Variants in SFRP4 observed in about 807,000 individuals in gnomAD.
SFRP4 encodes the protein secreted frizzled related protein 4.
SFRP4 carries 25 observed loss-of-function variants against 36.3 expected under a neutral mutation model. The ratio of observed to expected loss-of-function variants is 0.69; its 90% confidence interval spans 0.50 to 0.96. The LOEUF (loss-of-function observed/expected upper bound fraction) is 0.96. SFRP4 is among the 40% of genes least tolerant of loss of function. The pLI, the probability that SFRP4 is intolerant of heterozygous loss-of-function variation, is 0.00. For missense variants in SFRP4, 487 were observed against 459.6 expected (o/e 1.06, Z -0.54); for synonymous variants, 182 against 168.8 (o/e 1.08, Z -0.60).
Position 37,916,055 on chromosome 7 carries a change from C to A in SFRP4, c.445+38G>T, listed in dbSNP as rs745771255. 196 of 1,578,036 alleles carry A rather than the reference C, an allele frequency of 1.2e-4. No homozygotes were observed. Among genetic ancestry groups the A allele is most frequent in the Non-Finnish European group, 1.7e-4 (193 of 1,159,612 alleles). ...CTCGATTGGCAGCCACAGCCCCGGG[C>A]GCCTCCTCGCCTCCCTCCATCCTTC... is the stretch of plus-strand genomic sequence containing the variant. On this transcript the variant is annotated intron_variant, in intron 1 of 5. Coordinates refer to ENST00000436072, the MANE Select transcript of SFRP4 (RefSeq NM_003014.4). The surrounding 1 kb of genome is among the most constrained non-coding windows in gnomAD (Gnocchi z 4.1).
chr7:37,914,663 G>C (rs1017791439), intron 1 of SFRP4, among the ~76,000 whole-genome samples: 1 of 152,224 alleles, frequency 6.6e-6, no homozygotes, highest in Non-Finnish European at 1.5e-5. Flanking sequence ...TCAGGAGTTT[G>C]AGACCAGTCT....
chr7:37,912,728 G>C (rs1398064454), intron 3 of SFRP4, among the ~76,000 whole-genome samples: 1 of 152,206 alleles, frequency 6.6e-6, no homozygotes, highest in Non-Finnish European at 1.5e-5. Context: ...AGCTTCTTCT[G>C]TTTTACAGAG....
intron 1 of SFRP4, among the ~76,000 whole-genome samples, chr7:37,914,830 A>G (rs756190065): frequency 1.3e-5 from 2 of 152,178 alleles, no homozygotes; most frequent in Non-Finnish European, 2.9e-5. Context: ...GTGCCATTGC[A>G]CTCCAGCCTG....
In SFRP4 at chr7:37,907,776, A is replaced by T. The variant is rs1253851852; in HGVS notation, c.856-112T>A. ...ACTGTAATATATTAATGACGGTAAC[A>T]ATTGTAATAGCTACCCTATGTGAAG... On this transcript the variant is annotated intron_variant, in intron 5 of 5. Coordinates refer to ENST00000436072, the MANE Select transcript of SFRP4 (RefSeq NM_003014.4). 8.4e-6 allele frequency: 6 copies of T among 714,154 alleles called. No individual in the cohort carries two copies. The African/African-American group carries it at 1.1e-4, about 13-fold the overall frequency. 44.2% of individuals were successfully genotyped at this position (714,154 alleles called of 1,614,324 possible). A position where few individuals can be genotyped will look rare whatever the true frequency, so the allele number is the denominator to read the frequency against.
chr7:37,914,729 G>A (rs1785547411), intron 1 of SFRP4, among the ~76,000 whole-genome samples: 1 of 152,160 alleles, frequency 6.6e-6, no homozygotes, highest in Non-Finnish European at 1.5e-5. Flanking sequence ...GCCAGGCATG[G>A]TGGTGGATGC....
chr7:37,907,964 CAG>C (rs749643299), intron 5 of SFRP4, among the ~76,000 whole-genome samples: 61 of 152,154 alleles, frequency 4.0e-4, no homozygotes, highest in Non-Finnish European at 7.9e-4. Context: ...TGGTAAATGT[CAG>C]AGTCAGGATT....
chr7:37,916,050 C>G lies in SFRP4; in HGVS notation c.445+43G>C. ...CAGTTCTCGATTGGCAGCCACAGCC[C>G]CGGGCGCCTCCTCGCCTCCCTCCAT... On this transcript the variant is annotated intron_variant, in intron 1 of 5. Transcript: ENST00000436072. The surrounding 1 kb of genome is among the most constrained non-coding windows in gnomAD (Gnocchi z 4.1). 1 of 1,574,412 alleles carries G rather than the reference C, an allele frequency of 6.4e-7. No individual in the cohort carries two copies. The highest frequency in any genetic ancestry group is 8.6e-7 in the Non-Finnish European group (1 of 1,157,942).
intron 4 of SFRP4, chr7:37,909,922 A>C (rs1435300379): frequency 3.7e-6 from 1 of 270,668 alleles, no homozygotes; most frequent in East Asian, 6.9e-5. Context: ...TATATGATCT[A>C]AATTTTCTGA....
In SFRP4 at chr7:37,909,675, A is replaced by G; in HGVS notation, c.797T>C (p.Met266Thr). The G allele has an allele frequency of 6.4e-7, 1 of 1,570,910 alleles. No homozygotes were observed. The highest frequency in any genetic ancestry group is 8.7e-7 in the Non-Finnish European group (1 of 1,153,282). ...IMCYEWRSRMMLLENCLVEKW... is the reference protein window; with the variant it reads ...IMCYEWRSRMTLLENCLVEKW... ...TTCAACTAAGCAATTTTCAAGAAGC[A>G]TCATCCTGAAAAAAAATTATCTTAG... is the stretch of plus-strand genomic sequence containing the variant. Residue 266 changes from methionine to threonine, a missense_variant, in exon 5 of 6, where the codon ATG (methionine) becomes ACG (threonine). Coordinates refer to ENST00000436072, the MANE Select transcript of SFRP4 (RefSeq NM_003014.4).
At chr7:37,910,627 T>C (rs1400806940) in intron 4 of SFRP4, among the ~76,000 whole-genome samples, 1 of 152,124 alleles carries the variant, frequency 6.6e-6, no homozygotes, top group Non-Finnish European at 1.5e-5. Flanking sequence ...TGTCCTTTTT[T>C]TAAAGTTCTT....
chr7:37,910,905 C>T (rs1006147196), intron 4 of SFRP4, among the ~76,000 whole-genome samples: 3 of 152,132 alleles, frequency 2.0e-5, no homozygotes, highest in Admixed American at 2.0e-4. Flanking sequence ...ACCAGGTTTG[C>T]GGGTCTCATA....
chr7:37,907,527 G>A lies in SFRP4; in HGVS notation c.993C>T (p.Asn331=). 3 of 1,613,930 alleles carry A rather than the reference G, an allele frequency of 1.9e-6. No individual in the cohort carries two copies. The highest frequency in any genetic ancestry group is 2.5e-6 in the Non-Finnish European group (3 of 1,179,896). Reference sequence around the variant, plus strand: ...TCTTCTGGGCACTCCTAGTTTTAATGTTCTTCTTGGGACTGGCTGGTTTGG... The same window carrying A: ...TCTTCTGGGCACTCCTAGTTTTAATATTCTTCTTGGGACTGGCTGGTTTGG... ...PAPKPASPKK[N]IKTRSAQKRT... is the part of the protein sequence containing the mutation. The change falls in exon 6 of 6, where the codon AAC becomes AAT. Residue 331 remains asparagine (N), a synonymous_variant. Transcript: ENST00000436072.
rs771954156 is a variant in SFRP4 at position 37,916,084 on chromosome 7, C to G, written c.445+9G>C. 19 of 1,604,550 alleles carry G rather than the reference C, an allele frequency of 1.2e-5. No individual in the cohort carries two copies. The highest frequency in any genetic ancestry group is 1.6e-5 in the Non-Finnish European group (19 of 1,172,918). ...TCCTCGCCTCCCTCCATCCTTCCTA[C>G]GGCCTCACCCTCCGGGAGGTCCGTG... On this transcript the variant is annotated intron_variant, in intron 1 of 5. Coordinates refer to ENST00000436072, the MANE Select transcript of SFRP4 (RefSeq NM_003014.4). The surrounding 1 kb of genome is among the most constrained non-coding windows in gnomAD (Gnocchi z 4.1).
chr7:37,914,352 G>T, intron 2 of SFRP4, 21 bp downstream of exon 2: 1 of 1,609,758 alleles, frequency 6.2e-7, no homozygotes, highest in Non-Finnish European at 8.5e-7. Context: ...TAGAGGGAAC[G>T]TCCATGAAGA....
At chr7:37,911,308 A>T (rs1785481756) in intron 4 of SFRP4, among the ~76,000 whole-genome samples, 2 of 152,254 alleles carry the variant, frequency 1.3e-5, no homozygotes, top group African/African-American at 4.8e-5. Context: ...TCAGAGGAAT[A>T]GTCTTAGGTT....
intron 3 of SFRP4, among the ~76,000 whole-genome samples, chr7:37,913,872 T>TA (rs1465013162): frequency 6.6e-6 from 1 of 152,198 alleles, no homozygotes; most frequent in African/African-American, 2.4e-5. Context: ...CCTGCAGCAG[T>TA]AAAACCTCAG....
Position 37,907,450 on chromosome 7 carries a change from G to A in SFRP4, c.*29C>T, listed in dbSNP as rs769208650. 3.4e-5 allele frequency: 54 copies of A among 1,593,060 alleles called. No homozygotes were observed. Among genetic ancestry groups the A allele is most frequent in the East Asian group, 1.1e-4 (5 of 44,758 alleles). The stretch of plus-strand genomic sequence containing the variant: ...CCCAGCCTCATCCTGTAAGGAAGTC[G>A]GAAGTCTCCGCTTTGGAAACTAGTT... On this transcript the variant is annotated 3_prime_UTR_variant, in exon 6 of 6. Coordinates refer to ENST00000436072, the MANE Select transcript of SFRP4 (RefSeq NM_003014.4).
chr7:37,907,570 T>C lies in SFRP4; in HGVS notation c.950A>G (p.Lys317Arg). The change falls in exon 6 of 6, where the codon AAG (lysine) becomes AGG (arginine). Residue 317 changes from lysine (K) to arginine (R), a missense_variant. Lys to Arg is a conservative substitution (Grantham distance 26, BLOSUM62 2). Transcript: ENST00000436072. ...RTSRSNPPKP[K>R]GKPPAPKPAS... Reference sequence around the variant, plus strand: ...TGGTTTGGGAGCAGGAGGCTTTCCCTTTGGTTTGGGGGGATTACTACGACT... The same window carrying C: ...TGGTTTGGGAGCAGGAGGCTTTCCCCTTGGTTTGGGGGGATTACTACGACT... The C allele has an allele frequency of 6.2e-7, 1 of 1,613,774 alleles. No individual in the cohort carries two copies. The highest frequency in any genetic ancestry group is 8.5e-7 in the Non-Finnish European group (1 of 1,179,824).
In SFRP4 at chr7:37,907,298, A is replaced by G. The variant is rs1785411032; in HGVS notation, c.*181T>C. Reference sequence around the variant, plus strand: ...GGCAAACCTACCACTATGGCTTGTGATGGCTTACAAAGAAAAACTGAAGCA... The same window carrying G: ...GGCAAACCTACCACTATGGCTTGTGGTGGCTTACAAAGAAAAACTGAAGCA... On this transcript the variant is annotated 3_prime_UTR_variant, in exon 6 of 6. Coordinates refer to ENST00000436072, the MANE Select transcript of SFRP4 (RefSeq NM_003014.4). 1 of 536,214 alleles carries G rather than the reference A, an allele frequency of 1.9e-6. No homozygotes were observed. The highest frequency in any genetic ancestry group is 3.4e-5 in the Admixed American group (1 of 29,174). The allele number at this position is 536,214 out of a possible 1,614,324, so 33.2% of individuals were successfully genotyped here. A position where few individuals can be genotyped will look rare whatever the true frequency, so the allele number is the denominator to read the frequency against.
Sources: allele counts gnomAD v4.1 joint callset (sites outside exome capture counted in the v4.1 genomes callset), GRCh38; gene constraint gnomAD v4.1.1; non-coding constraint Gnocchi (gnomAD v3.1); transcripts MANE v1.5; gene names NCBI Gene and HGNC (gene_info 2026-07-23, HGNC 2026-07-21).